GPA33: variants seen among roughly 807,000 people sequenced by gnomAD.
The protein encoded by GPA33 is glycoprotein A33.
A neutral mutation model predicts 35.6 loss-of-function variants in GPA33; 27 were observed. The observed-to-expected ratio is 0.76, with a 90% CI of 0.56 to 1.04. The LOEUF (loss-of-function observed/expected upper bound fraction) is 1.04, where lower values mean the gene tolerates loss of function less well. Ranked by LOEUF, GPA33 falls within the 50% of genes least tolerant of loss-of-function variation. The pLI, the probability that GPA33 is intolerant of heterozygous loss-of-function variation, is 0.00. For missense variants in GPA33, 428 were observed against 411.9 expected, an observed-to-expected ratio of 1.04 and a Z score of -0.34; for synonymous variants, 176 against 164.0, an observed-to-expected ratio of 1.07 and a Z score of -0.56.
At chr1:167,078,457 G>A (rs1008839551) in intron 1 of GPA33, 6 of 152,218 alleles carry the variant, frequency 3.9e-5, no homozygotes, top group Non-Finnish European at 5.9e-5. Flanking sequence ...GCACCTCACA[G>A]TTCTCAGGAG....
At chr1:167,056,600 T>TGAGG in intron 4 of GPA33, among the ~76,000 whole-genome samples, 1 of 48 alleles carries the variant, frequency 0.021, no homozygotes, top group Non-Finnish European at 0.029. Flanking sequence ...TGTGTGTATG[T>TGAGG]GGTGTGTGTA....
At chr1:167,070,350 T>C (rs1363194230) in intron 2 of GPA33, among the ~76,000 whole-genome samples, 1 of 152,198 alleles carries the variant, frequency 6.6e-6, no homozygotes, top group Non-Finnish European at 1.5e-5. Context: ...TGCTAGGTAC[T>C]AGCCTATGCA....
chr1:167,069,598 G>A (rs1666675382), intron 2 of GPA33, among the ~76,000 whole-genome samples: 1 of 152,250 alleles, frequency 6.6e-6, no homozygotes, highest in African/African-American at 2.4e-5. Context: ...CCTTTGGAAT[G>A]TACTGATTGA....
At chr1:167,072,838 C>T (rs986068159) in intron 2 of GPA33, among the ~76,000 whole-genome samples, 6 of 151,680 alleles carry the variant, frequency 4.0e-5, no homozygotes, top group Non-Finnish European at 8.8e-5. Flanking sequence ...TATATCCATG[C>T]TCGTATATGC....
chr1:167,069,893 T>C (rs1189457061), intron 2 of GPA33, among the ~76,000 whole-genome samples: 4 of 152,242 alleles, frequency 2.6e-5, no homozygotes, highest in African/African-American at 9.6e-5. Context: ...TTATTATAAC[T>C]GAGCATCTAC....
chr1:167,090,212 C>T (rs1667126849), intron 1 of GPA33, 33 bp downstream of exon 1: 1 of 1,563,448 alleles, frequency 6.4e-7, no homozygotes, highest in Non-Finnish European at 8.8e-7. Flanking sequence ...CTCACCCACC[C>T]CTGGGCACTG....
At chr1:167,074,939 C>T (rs1403305977) in intron 1 of GPA33, among the ~76,000 whole-genome samples, 2 of 136,734 alleles carry the variant, frequency 1.5e-5, no homozygotes, top group East Asian at 2.0e-4. Flanking sequence ...GAGAGAGTCT[C>T]GCTCTGTTGC....
intron 4 of GPA33, among the ~76,000 whole-genome samples, chr1:167,056,597 ATGTGGTGTGTG>A (rs368782256): frequency 0.018 from 26 of 1,444 alleles, no homozygotes; most frequent in South Asian, 0.05. Context: ...GTATGTGTGT[ATGTGGTGTGTG>A]TAGTGTGTGT....
At chr1:167,055,371 T>C (rs6678949) in intron 5 of GPA33, among the ~76,000 whole-genome samples, 1 of 151,942 alleles carries the variant, frequency 6.6e-6, no homozygotes, top group Non-Finnish European at 1.5e-5. Context: ...CAGCCAGCTC[T>C]TTAAGCTAGA....
chr1:167,075,191 A>G (rs925157928), intron 1 of GPA33, among the ~76,000 whole-genome samples: 20 of 152,128 alleles, frequency 1.3e-4, no homozygotes, highest in Non-Finnish European at 2.2e-4. Flanking sequence ...ATGAGCCACC[A>G]TGCCTGGCCT....
chr1:167,060,861 C>T (rs1666423809), intron 4 of GPA33, among the ~76,000 whole-genome samples: 1 of 152,196 alleles, frequency 6.6e-6, no homozygotes, highest in Admixed American at 6.5e-5. Context: ...CCTACACCTA[C>T]ACACGCACCC....
chr1:167,082,996 G>A (rs537447074), intron 1 of GPA33, among the ~76,000 whole-genome samples: 1 of 152,272 alleles, frequency 6.6e-6, no homozygotes, highest in Admixed American at 6.5e-5. Flanking sequence ...CACAGAGCAG[G>A]CAGAGAGAAG....
At chr1:167,064,038 AG>A (rs1666530822) in intron 3 of GPA33, among the ~76,000 whole-genome samples, 1 of 152,154 alleles carries the variant, frequency 6.6e-6, no homozygotes, top group African/African-American at 2.4e-5. Context: ...TTTTAAAGAT[AG>A]CGGAACATGG....
chr1:167,064,699 T>C (rs112667244), intron 3 of GPA33, among the ~76,000 whole-genome samples: 2,394 of 152,296 alleles, frequency 0.016, 76 homozygotes, highest in African/African-American at 0.054. Context: ...CTGAACTAAG[T>C]GATCTCTGAA....
intron 1 of GPA33, among the ~76,000 whole-genome samples, chr1:167,084,626 T>C (rs915880589): frequency 6.6e-6 from 1 of 152,174 alleles, no homozygotes; most frequent in Non-Finnish European, 1.5e-5. Flanking sequence ...AGCCATCATG[T>C]TATGAGGAGG....
chr1:167,063,389 C>T (rs974178485), intron 4 of GPA33, among the ~76,000 whole-genome samples, 193 bp downstream of exon 4: 10 of 152,218 alleles, frequency 6.6e-5, no homozygotes, highest in Admixed American at 5.2e-4. Context: ...CAGCCTGGGC[C>T]ACCTGGCGAG....
intron 1 of GPA33, among the ~76,000 whole-genome samples, chr1:167,076,265 C>T (rs1329380985): frequency 6.6e-6 from 1 of 152,122 alleles, no homozygotes; most frequent in Non-Finnish European, 1.5e-5. Flanking sequence ...GCAAATGGGG[C>T]TGGGGGTACG....
chr1:167,088,723 A>G (rs1454179640), intron 1 of GPA33, among the ~76,000 whole-genome samples: 2 of 152,078 alleles, frequency 1.3e-5, no homozygotes, highest in Non-Finnish European at 2.9e-5. Flanking sequence ...CTAAGCCAAA[A>G]TTTCTTATTT....
intron 1 of GPA33, among the ~76,000 whole-genome samples, chr1:167,075,943 G>A (rs1666813883): frequency 6.6e-6 from 1 of 152,160 alleles, no homozygotes; most frequent in Non-Finnish European, 1.5e-5. Context: ...CCTGAGGGCA[G>A]AGAGATGGTC....
Sources: allele counts gnomAD v4.1 joint callset (sites outside exome capture counted in the v4.1 genomes callset), GRCh38; gene constraint gnomAD v4.1.1; transcripts MANE v1.5; gene names NCBI Gene and HGNC (gene_info 2026-07-23, HGNC 2026-07-21).